Variants in FRMPD4 observed in about 807,000 individuals in gnomAD.
FRMPD4 encodes FERM and PDZ domain containing 4.
FRMPD4 carries 22 observed loss-of-function variants against 94.1 expected under a neutral mutation model. That is an observed-to-expected ratio of 0.23 (90% CI 0.17 to 0.33). FRMPD4 has a LOEUF of 0.33. Among genes scored for constraint, FRMPD4 ranks in the 10% least tolerant of loss-of-function variants. FRMPD4 has a pLI of 1.00. For missense variants in FRMPD4, 1,111 were observed against 1,339.9 expected, an observed-to-expected ratio of 0.83 and a Z score of 2.67; for synonymous variants, 631 against 548.6, an observed-to-expected ratio of 1.15 and a Z score of -2.10.
intron 3 of FRMPD4, among the ~76,000 whole-genome samples, chrX:12,059,925 A>T (rs1213288896): frequency 9.0e-6 from 1 of 111,226 alleles, no homozygotes; most frequent in African/African-American, 3.3e-5. Context: ...ATGTGAGTGT[A>T]TGTGTGTTTT....
chrX:12,541,440 C>A (rs1299197148), intron 2 of FRMPD4, among the ~76,000 whole-genome samples: 5 of 111,701 alleles, frequency 4.5e-5, no homozygotes, highest in African/African-American at 1.6e-4. Context: ...TACAAACTAC[C>A]ATCAGAGAAT....
At position 12,710,454 on chromosome X, in the gene FRMPD4, C is replaced by A; in HGVS notation, c.1526C>A (p.Ala509Asp). 11 of 1,198,422 alleles carry A rather than the reference C, an allele frequency of 9.2e-6. No individual in the cohort carries two copies. The highest frequency in any genetic ancestry group is 1.1e-5 in the Non-Finnish European group (10 of 883,603). ...GCCATGAACCTGGCCTGCTTGACGG[C>A]TGGATACTACCGGCTGCTTGTTGAT... The part of the protein sequence containing the change: ...SDAMNLACLT[A>D]GYYRLLVDSR... The change falls in exon 14 of 17, where the codon GCT (alanine) becomes GAT (aspartate). Residue 509 changes from alanine to aspartate, a missense_variant. Transcript: ENST00000675598.
chrX:12,469,976 T>A (rs950579962), intron 1 of FRMPD4, among the ~76,000 whole-genome samples: 2 of 112,069 alleles, frequency 1.8e-5, no homozygotes, highest in Non-Finnish European at 3.8e-5. Flanking sequence ...GAGTTTATTA[T>A]CTCTGAAATG....
At chrX:11,878,404 T>A (rs928170971) in intron 3 of FRMPD4, among the ~76,000 whole-genome samples, 8 of 112,300 alleles carry the variant, frequency 7.1e-5, no homozygotes, top group Non-Finnish European at 1.5e-4. Context: ...GCTGCACTTT[T>A]TACAAGGGAA....
intron 3 of FRMPD4, among the ~76,000 whole-genome samples, chrX:12,045,868 C>T (rs2054782562): frequency 9.0e-6 from 1 of 111,367 alleles, no homozygotes; most frequent in Non-Finnish European, 1.9e-5. Context: ...AATTAATGAG[C>T]TTCAGTGACA....
intron 2 of FRMPD4, among the ~76,000 whole-genome samples, chrX:12,518,780 A>G (rs1163305470): frequency 9.0e-6 from 1 of 111,433 alleles, no homozygotes; most frequent in Non-Finnish European, 1.9e-5. Flanking sequence ...TTCACAGATG[A>G]CACGAGCTTA....
chrX:12,022,991 G>T (rs1374271824), intron 3 of FRMPD4, among the ~76,000 whole-genome samples: 1 of 111,002 alleles, frequency 9.0e-6, no homozygotes, highest in Non-Finnish European at 1.9e-5. Context: ...GAATGTTTGT[G>T]TTGTCCTGAA....
chrX:12,031,930 C>T (rs2054694489), intron 3 of FRMPD4, among the ~76,000 whole-genome samples: 2 of 111,360 alleles, frequency 1.8e-5, no homozygotes, highest in South Asian at 7.6e-4. Flanking sequence ...GTTGAGAAAG[C>T]TTAAGAAGTG....
Position 12,044,024 on chromosome X carries a change from G to A in FRMPD4, c.95+166006G>A, listed in dbSNP as rs770942913. ...TACTGCTTTCCCTTTTGTGTAATTT[G>A]GCTATTTGAATTAATTTTTTACCAG... On this transcript the variant is annotated intron_variant, in intron 3 of 18. Transcript: ENST00000640291. 3.2e-4 allele frequency among the ~76,000 whole-genome samples: 36 copies of A among 110,910 alleles called. No homozygotes were observed. In the South Asian group the frequency reaches 6.0e-3, roughly 18 times the overall value.
intron 1 of FRMPD4, among the ~76,000 whole-genome samples, chrX:12,406,056 G>A (rs1035007291): frequency 9.0e-6 from 1 of 111,046 alleles, no homozygotes; most frequent in Non-Finnish European, 1.9e-5. Flanking sequence ...CTCTTCTAGA[G>A]GACATTTGGC....
chrX:12,350,466 G>T (rs1032471580), intron 1 of FRMPD4, among the ~76,000 whole-genome samples: 26 of 111,976 alleles, frequency 2.3e-4, no homozygotes, highest in African/African-American at 7.8e-4. Flanking sequence ...GTTCATAGGG[G>T]TCTAACATCT....
intron 1 of FRMPD4, among the ~76,000 whole-genome samples, chrX:12,352,606 A>G (rs760761307): frequency 8.9e-6 from 1 of 112,428 alleles, no homozygotes; most frequent in East Asian, 2.8e-4. Flanking sequence ...TCTGATGAGT[A>G]CACAGGGGTC....
At chrX:12,006,723 T>C (rs958978959) in intron 3 of FRMPD4, among the ~76,000 whole-genome samples, 2 of 111,801 alleles carry the variant, frequency 1.8e-5, no homozygotes, top group African/African-American at 6.5e-5. Flanking sequence ...ACTGAGACCA[T>C]CAATTTTCAG....
At chrX:11,923,668 C>T (rs771302719) in intron 3 of FRMPD4, among the ~76,000 whole-genome samples, 1 of 112,237 alleles carries the variant, frequency 8.9e-6, no homozygotes, top group African/African-American at 3.2e-5. Context: ...GAGAGTTGAG[C>T]CTTGACCTCT....
chrX:12,265,050 G>A (rs921613017), intron 1 of FRMPD4, among the ~76,000 whole-genome samples: 2 of 112,057 alleles, frequency 1.8e-5, no homozygotes, highest in African/African-American at 3.2e-5. Context: ...TTGCCTTAAT[G>A]TAAAAACAAG....
chrX:11,920,469 G>A (rs1231791800), intron 3 of FRMPD4, among the ~76,000 whole-genome samples: 1 of 111,826 alleles, frequency 8.9e-6, no homozygotes. Flanking sequence ...CCTGTAAGAT[G>A]TGCCGACTTG....
At chrX:12,359,596 T>A (rs1371864185) in intron 1 of FRMPD4, among the ~76,000 whole-genome samples, 1 of 109,230 alleles carries the variant, frequency 9.2e-6, no homozygotes, top group African/African-American at 3.3e-5. Flanking sequence ...GCCTCCCGAG[T>A]GTAGCTGGGA....
chrX:12,149,791 C>A (rs1319022730), intron 1 of FRMPD4, among the ~76,000 whole-genome samples: 2 of 111,959 alleles, frequency 1.8e-5, no homozygotes, highest in African/African-American at 3.3e-5. Flanking sequence ...ACAGAGAAAT[C>A]TTTCATGAAA....
intron 3 of FRMPD4, among the ~76,000 whole-genome samples, chrX:12,073,886 C>T (rs2054990838): frequency 9.0e-6 from 1 of 111,709 alleles, no homozygotes; most frequent in Admixed American, 9.5e-5. Flanking sequence ...TTGTTTTAAT[C>T]GGTATTTTTC....
Sources: gnomAD v4.1 joint callset for allele counts (sites outside exome capture counted in the v4.1 genomes callset) on GRCh38, gnomAD v4.1.1 for gene constraint, MANE v1.5 for transcripts, NCBI Gene and HGNC (gene_info 2026-07-23, HGNC 2026-07-21) for gene names.